The following KDM6A variants were observed in gnomAD, a reference collection of about 807,000 sequenced individuals.
The protein encoded by KDM6A is lysine demethylase 6A, also known as lysine-specific demethylase 6A.
A neutral mutation model predicts 117.6 loss-of-function variants in KDM6A; 11 were observed. That is an observed-to-expected ratio of 0.09 (90% CI 0.06 to 0.15). KDM6A has a LOEUF of 0.15. Ranked by LOEUF, KDM6A falls within the 10% of genes least tolerant of loss-of-function variation. The pLI is 1.00. For missense variants in KDM6A, 799 were observed against 1,077.3 expected (o/e 0.74, Z 3.62); for synonymous variants, 384 against 396.1 (o/e 0.97, Z 0.36).
chrX:44,950,927 C>A (rs1233723718), intron 2 of KDM6A, among the ~76,000 whole-genome samples: 1 of 109,918 alleles, frequency 9.1e-6, no homozygotes, highest in Non-Finnish European at 1.9e-5. Flanking sequence ...AGCTCACATT[C>A]CTTTCCTTAT....
chrX:45,088,203 C>T (rs2045729575), intron 25 of KDM6A, among the ~76,000 whole-genome samples: 2 of 112,015 alleles, frequency 1.8e-5, no homozygotes, highest in African/African-American at 6.5e-5. Context: ...TGGACTGTAT[C>T]TACTTGGCCT....
chrX:44,946,424 T>G (rs191196746), intron 2 of KDM6A, among the ~76,000 whole-genome samples: 14 of 111,926 alleles, frequency 1.3e-4, no homozygotes, highest in African/African-American at 4.5e-4. Context: ...TAAAAACAAA[T>G]TTGATTTTTA....
chrX:45,044,016 T>A (rs770313228), intron 8 of KDM6A, among the ~76,000 whole-genome samples: 9 of 111,867 alleles, frequency 8.0e-5, no homozygotes, highest in African/African-American at 2.0e-4. Context: ...GTATTGTAAT[T>A]GTAGTATTCT....
intron 24 of KDM6A, among the ~76,000 whole-genome samples, chrX:45,085,057 G>A (rs1468428123): frequency 9.0e-6 from 1 of 111,715 alleles, no homozygotes; most frequent in African/African-American, 3.3e-5. Context: ...GCCCAATTCT[G>A]TGATATTTTA....
At chrX:45,079,539 A>ACG (rs2045301361) in intron 21 of KDM6A, among the ~76,000 whole-genome samples, 188 bp downstream of exon 21, 1 of 110,816 alleles carries the variant, frequency 9.0e-6, no homozygotes, top group African/African-American at 3.3e-5. Context: ...GTATGTATGT[A>ACG]TGTACGTACG....
intron 2 of KDM6A, among the ~76,000 whole-genome samples, chrX:44,942,167 T>A (rs965422945): frequency 9.1e-6 from 1 of 109,885 alleles, no homozygotes; most frequent in East Asian, 2.9e-4. Flanking sequence ...CCTGAGTAGC[T>A]GGGATTACAG....
At chrX:44,946,933 A>C (rs2037671912) in intron 2 of KDM6A, among the ~76,000 whole-genome samples, 1 of 111,658 alleles carries the variant, frequency 9.0e-6, no homozygotes, top group African/African-American at 3.3e-5. Context: ...ATCTGGCACA[A>C]TGCCAACTTT....
At chrX:45,089,053 T>C (rs2045778666) in intron 25 of KDM6A, among the ~76,000 whole-genome samples, 1 of 112,168 alleles carries the variant, frequency 8.9e-6, no homozygotes, top group Non-Finnish European at 1.9e-5. Flanking sequence ...TGGATTTAAA[T>C]GACTTGATGT....
chrX:45,006,490 C>T (rs1427615207), intron 4 of KDM6A, among the ~76,000 whole-genome samples: 2 of 110,747 alleles, frequency 1.8e-5, no homozygotes, highest in Non-Finnish European at 3.8e-5. Context: ...GTTCTTATCC[C>T]TGACACACGT....
At chrX:45,071,774 T>TTCTTGTCTTG (rs750053903) in intron 18 of KDM6A, among the ~76,000 whole-genome samples, 1 of 111,243 alleles carries the variant, frequency 9.0e-6, no homozygotes, top group African/African-American at 3.3e-5. Flanking sequence ...TTCTTGTCTT[T>TTCTTGTCTTG]TCTTGTCTTT....
chrX:44,988,461 G>A (rs1434653744), intron 4 of KDM6A, among the ~76,000 whole-genome samples: 2 of 111,618 alleles, frequency 1.8e-5, no homozygotes, highest in African/African-American at 6.5e-5. Context: ...GAGGAGCTGC[G>A]TTCCTTTGGA....
chrX:45,054,445 A>T (rs1385495282), intron 10 of KDM6A, among the ~76,000 whole-genome samples: 4 of 111,999 alleles, frequency 3.6e-5, no homozygotes, highest in Non-Finnish European at 5.6e-5. Context: ...TATACTTGAA[A>T]TCTTACAGTG....
At position 45,009,606 on chromosome X, in the gene KDM6A, C is replaced by G. The variant is rs752480751; in HGVS notation, c.385-1355C>G. Among the ~76,000 whole-genome samples, 32 of 111,821 alleles carry G rather than the reference C, an allele frequency of 2.9e-4. 1 individual carries two copies. In the South Asian group the frequency reaches 9.7e-3, roughly 34 times the overall value. The stretch of plus-strand genomic sequence containing the variant: ...AGCCCCTATTCAAGATGGAGTTCTT[C>G]TGGTTCAAATGCCTCTGACAAGCTG... On this transcript the variant is annotated intron_variant, in intron 4 of 29. Coordinates refer to ENST00000611820, the MANE Select transcript of KDM6A (RefSeq NM_001291415.2).
At position 45,059,387 on chromosome X, in the gene KDM6A, T is replaced by C. The variant is rs2044211918; in HGVS notation, c.1115T>C (p.Ile372Thr). ...YESCNQPQDA[I>T]KCYLNATRSK... The stretch of plus-strand genomic sequence containing the variant: ...TCCTGCAACCAGCCTCAGGATGCCA[T>C]TAAATGCTACTTAAATGCAACTAGA... Residue 372 changes from isoleucine to threonine, a missense_variant, in exon 12 of 30, where the codon ATT becomes ACT. Coordinates refer to ENST00000611820, the MANE Select transcript of KDM6A (RefSeq NM_001291415.2). 1.7e-6 allele frequency: 2 copies of C among 1,210,932 alleles called. No homozygotes were observed. Among genetic ancestry groups the C allele is most frequent in the Non-Finnish European group, 2.2e-6 (2 of 894,911 alleles).
At chrX:44,976,553 A>G (rs1196703543) in intron 4 of KDM6A, among the ~76,000 whole-genome samples, 2 of 111,448 alleles carry the variant, frequency 1.8e-5, no homozygotes, top group African/African-American at 6.5e-5. Context: ...ACCTAATAAA[A>G]TGTGAATGCC....
intron 21 of KDM6A, among the ~76,000 whole-genome samples, chrX:45,081,488 G>A (rs938478631): frequency 8.9e-6 from 1 of 112,246 alleles, no homozygotes; most frequent in African/African-American, 3.2e-5. Flanking sequence ...GTAATTCATT[G>A]TGGAATAAAT....
chrX:44,932,891 CTT>C (rs765121404), intron 2 of KDM6A, among the ~76,000 whole-genome samples: 4 of 100,381 alleles, frequency 4.0e-5, no homozygotes, highest in East Asian at 3.0e-4. Flanking sequence ...TTTTTTCTTT[CTT>C]TTTTTTTTTT....
chrX:45,071,002 A>G (rs1334299114), intron 18 of KDM6A, among the ~76,000 whole-genome samples: 1 of 111,828 alleles, frequency 8.9e-6, no homozygotes, highest in African/African-American at 3.3e-5. Context: ...AGAAGAATCA[A>G]AGGATCAGGC....
chrX:44,878,797 C>T (rs934292715), intron 2 of KDM6A, among the ~76,000 whole-genome samples: 2 of 110,558 alleles, frequency 1.8e-5, no homozygotes, highest in Non-Finnish European at 3.8e-5. Context: ...TCTCGGCTCA[C>T]TGCAACCTCG....
Sources: gnomAD v4.1 joint callset for allele counts (sites outside exome capture counted in the v4.1 genomes callset) on GRCh38, gnomAD v4.1.1 for gene constraint, MANE v1.5 for transcripts, NCBI Gene and HGNC (gene_info 2026-07-23, HGNC 2026-07-21) for gene names.